Variants in SCN9A observed in about 807,000 individuals in gnomAD.
SCN9A encodes sodium voltage-gated channel alpha subunit 9, also known as sodium channel protein type 9 subunit alpha.
SCN9A carries 131 observed loss-of-function variants against 187.0 expected under a neutral mutation model. That is an observed-to-expected ratio of 0.70 (90% CI 0.61 to 0.81). SCN9A has a LOEUF of 0.81. SCN9A is among the 30% of genes least tolerant of loss of function. SCN9A has a pLI of 0.00. For missense variants in SCN9A, 2,252 were observed against 2,396.6 expected (o/e 0.94, Z 1.26); for synonymous variants, 809 against 808.6 (o/e 1.00, Z -0.01).
At chr2:166,219,523 A>T (rs1017409966) in intron 24 of SCN9A, among the ~76,000 whole-genome samples, 4 of 152,160 alleles carry the variant, frequency 2.6e-5, no homozygotes, top group Non-Finnish European at 5.9e-5. Flanking sequence ...AAATGATGAG[A>T]ACACATGGAC....
intron 20 of SCN9A, among the ~76,000 whole-genome samples, chr2:166,234,380 C>T (rs187075957): frequency 2.0e-4 from 31 of 152,108 alleles, no homozygotes; most frequent in African/African-American, 4.8e-4. Context: ...TTCTTCATTA[C>T]GAATAAGTTA....
intron 1 of SCN9A, among the ~76,000 whole-genome samples, chr2:166,325,706 T>C (rs995078379): frequency 6.6e-6 from 1 of 152,162 alleles, no homozygotes; most frequent in African/African-American, 2.4e-5. Flanking sequence ...AGGCTGACTT[T>C]TGATTTCTGT....
At chr2:166,251,197 A>G (rs1276203867) in intron 18 of SCN9A, among the ~76,000 whole-genome samples, 1 of 152,082 alleles carries the variant, frequency 6.6e-6, no homozygotes, top group African/African-American at 2.4e-5. Context: ...GCTTCAGAAT[A>G]AGAAAAGATA....
rs960650433 is a variant in SCN9A, at chr2:166,311,625, TTCA to T, written c.129_131del (p.Asp43del). 1.2e-6 allele frequency: 2 copies of T among 1,613,272 alleles called. No individual in the cohort carries two copies. Among genetic ancestry groups the T allele is most frequent in the African/African-American group, 2.7e-5 (2 of 74,762 alleles). On this transcript the variant is annotated inframe_deletion, in exon 2 of 27. Transcript: ENST00000642356. ...AGTCACTGCTTGGCTTTGGGGCTTCTTCATCATCATCTTTCTTTTCTTCTTTGG... is the reference window on the plus strand; with the variant it reads ...AGTCACTGCTTGGCTTTGGGGCTTCTTCATCATCTTTCTTTTCTTCTTTGG...
At chr2:166,290,853 A>G (rs1296694120) in intron 9 of SCN9A, among the ~76,000 whole-genome samples, 6 of 152,334 alleles carry the variant, frequency 3.9e-5, no homozygotes, top group Admixed American at 2.0e-4. Flanking sequence ...CAATAGATGC[A>G]GAGAAGGTCT....
At position 166,327,626 on chromosome 2, in the gene SCN9A, TA is replaced by T. The variant is rs1399210344; in HGVS notation, c.-50-15821del. ...AATTAACCAAATCTATACACTTAAG[TA>T]GAGTAAAAACACTGGAATTGAGCCA... On this transcript the variant is annotated intron_variant, in intron 1 of 26. Coordinates refer to ENST00000642356, the MANE Select transcript of SCN9A (RefSeq NM_001365536.1). 3.3e-5 allele frequency among the ~76,000 whole-genome samples: 5 copies of T among 152,304 alleles called. No individual in the cohort carries two copies. The East Asian group carries it at 9.6e-4, about 29-fold the overall frequency.
At chr2:166,202,115 C>A (rs180687847) in intron 26 of SCN9A, among the ~76,000 whole-genome samples, 278 of 151,600 alleles carry the variant, frequency 1.8e-3, no homozygotes, top group Non-Finnish European at 2.3e-3. Flanking sequence ...AAACATTTCA[C>A]CTATTTTTTG....
chr2:166,309,803 A>C (rs1281145367), intron 2 of SCN9A, among the ~76,000 whole-genome samples: 1 of 148,418 alleles, frequency 6.7e-6, no homozygotes, highest in Admixed American at 6.7e-5. Flanking sequence ...GTCAATCCTA[A>C]GCCAAAAGAA....
Position 166,342,074 on chromosome 2 carries a change from T to C in SCN9A, c.-50-30268A>G, listed in dbSNP as rs146970406. ...AACTATGTGATTATTATGTATACTA[T>C]GTTGTTCCCAAGTCTTGTCCTGATT... On this transcript the variant is annotated intron_variant, in intron 1 of 26. Transcript: ENST00000642356. Among the ~76,000 whole-genome samples the C allele has an allele frequency of 4.9e-4, 75 of 152,336 alleles. No homozygotes were observed. In the East Asian group the frequency reaches 0.014, roughly 28 times the overall value.
rs1303872643 is a variant in SCN9A at position 166,199,481 on chromosome 2, C to A, written c.5158G>T (p.Val1720Phe). 3.1e-6 allele frequency: 5 copies of A among 1,614,118 alleles called. No homozygotes were observed. The highest frequency in any genetic ancestry group is 2.5e-6 in the Non-Finnish European group (3 of 1,180,006). ...CCTTCAACTGAACTTCCAGGATGAA[C>A]TTTTTTTGGGTCACAGTCGGGTGGC... The part of the protein sequence containing the change: ...SKPPDCDPKK[V>F]HPGSSVEGDC... Residue 1720 changes from valine to phenylalanine, a missense_variant, in exon 27 of 27, where the codon GTT becomes TTT. Transcript: ENST00000642356.
chr2:166,297,885 TATAAC>T (rs140873306), intron 7 of SCN9A, among the ~76,000 whole-genome samples: 141 of 152,166 alleles, frequency 9.3e-4, no homozygotes, highest in Non-Finnish European at 1.6e-3. Context: ...TGAAAATTGA[TATAAC>T]AAAAATACAG....
intron 24 of SCN9A, among the ~76,000 whole-genome samples, chr2:166,211,179 C>G (rs895730847): frequency 6.6e-6 from 1 of 151,952 alleles, no homozygotes; most frequent in Non-Finnish European, 1.5e-5. Flanking sequence ...AAAGAGCTCT[C>G]TTAAGATGAA....
At position 166,212,698 on chromosome 2, in the gene SCN9A, C is replaced by T. The variant is rs372634862; in HGVS notation, c.4399-8234G>A. Among the ~76,000 whole-genome samples, 15 of 152,210 alleles carry T rather than the reference C, an allele frequency of 9.9e-5. 1 individual carries two copies. Among genetic ancestry groups the T allele is most frequent in the African/African-American group, 2.4e-4 (10 of 41,522 alleles). On this transcript the variant is annotated intron_variant, in intron 24 of 26. Coordinates refer to ENST00000642356, the MANE Select transcript of SCN9A (RefSeq NM_001365536.1). ...TCTTAATATACCATCTTTTCAAGTGCGCACAGAATATTCTCAGGATAGATC... is the reference window on the plus strand; with the variant it reads ...TCTTAATATACCATCTTTTCAAGTGTGCACAGAATATTCTCAGGATAGATC...
intron 13 of SCN9A, 63 bp downstream of exon 13, chr2:166,281,616 G>T (rs1697490919): frequency 2.0e-6 from 3 of 1,503,056 alleles, no homozygotes; most frequent in Non-Finnish European, 2.7e-6. Flanking sequence ...CCTATTTAAG[G>T]TTGACCAGAT....
At chr2:166,298,068 C>T (rs569785061) in intron 7 of SCN9A, among the ~76,000 whole-genome samples, 1 of 152,120 alleles carries the variant, frequency 6.6e-6, no homozygotes, top group African/African-American at 2.4e-5. Context: ...ATATCCCCAA[C>T]GAAGGGCAAA....
At chr2:166,245,221 A>G (rs554223156) in intron 18 of SCN9A, among the ~76,000 whole-genome samples, 1 of 152,200 alleles carries the variant, frequency 6.6e-6, no homozygotes, top group East Asian at 1.9e-4. Context: ...TCTTTGAGAA[A>G]CAATTTGATA....
At chr2:166,239,630 A>G (rs958238480) in intron 19 of SCN9A, among the ~76,000 whole-genome samples, 1 of 152,298 alleles carries the variant, frequency 6.6e-6, no homozygotes, top group Admixed American at 6.5e-5. Context: ...TCTAGCCCTC[A>G]GGATTTTCCT....
At chr2:166,320,255 A>G (rs992217851) in intron 1 of SCN9A, among the ~76,000 whole-genome samples, 6 of 152,138 alleles carry the variant, frequency 3.9e-5, no homozygotes, top group Non-Finnish European at 7.4e-5. Context: ...ATTTTATAAT[A>G]GTTATTATTA....
intron 17 of SCN9A, among the ~76,000 whole-genome samples, chr2:166,256,280 G>A (rs1462624390): frequency 6.6e-6 from 1 of 150,970 alleles, no homozygotes; most frequent in Non-Finnish European, 1.5e-5. Context: ...TTCATCTTGA[G>A]TGTAATCACA....
Sources: allele counts gnomAD v4.1 joint callset (sites outside exome capture counted in the v4.1 genomes callset), GRCh38; gene constraint gnomAD v4.1.1; transcripts MANE v1.5; gene names NCBI Gene and HGNC (gene_info 2026-07-23, HGNC 2026-07-21).